Variants in TBC1D5 observed in about 807,000 individuals in gnomAD.
TBC1D5 encodes TBC1 domain family member 5, also known as TBC1 domain family, member 5.
A neutral mutation model predicts 100.3 loss-of-function variants in TBC1D5; 75 were observed. The observed-to-expected ratio is 0.75, with a 90% CI of 0.62 to 0.91. TBC1D5 has a LOEUF of 0.91. TBC1D5 is among the 40% of genes least tolerant of loss of function. The pLI, the probability that TBC1D5 is intolerant of heterozygous loss-of-function variation, is 0.00. For missense variants in TBC1D5, 910 were observed against 942.4 expected (o/e 0.97, Z 0.45); for synonymous variants, 323 against 325.6 (o/e 0.99, Z 0.09).
chr3:17,172,295 C>G (rs542619589), intron 19 of TBC1D5, among the ~76,000 whole-genome samples: 13 of 152,274 alleles, frequency 8.5e-5, no homozygotes, highest in Non-Finnish European at 1.5e-4. Context: ...CCTAACAGTT[C>G]CCCTATATAA....
intron 1 of TBC1D5, chr3:17,706,058 C>T: frequency 6.3e-7 from 1 of 1,590,916 alleles, no homozygotes; most frequent in African/African-American, 1.3e-5. Flanking sequence ...TGGGAGCCTA[C>T]TGATTTCCCC....
At chr3:17,519,383 G>C (rs139310124) in intron 2 of TBC1D5, among the ~76,000 whole-genome samples, 3 of 152,126 alleles carry the variant, frequency 2.0e-5, no homozygotes, top group Middle Eastern at 3.4e-3. Context: ...CACACATGTG[G>C]CTCCTCTGCA....
At chr3:17,551,651 G>A (rs929494532) in intron 2 of TBC1D5, among the ~76,000 whole-genome samples, 1 of 152,116 alleles carries the variant, frequency 6.6e-6, no homozygotes, top group African/African-American at 2.4e-5. Context: ...CTGTAATGAG[G>A]GAAGCAAACT....
At chr3:17,362,697 CTT>C (rs1407235240) in intron 13 of TBC1D5, among the ~76,000 whole-genome samples, 4 of 152,166 alleles carry the variant, frequency 2.6e-5, no homozygotes, top group Non-Finnish European at 5.9e-5. Context: ...GTCTTGAACT[CTT>C]GGCCTCAAGT....
intron 2 of TBC1D5, among the ~76,000 whole-genome samples, chr3:17,552,494 G>A (rs1387425209): frequency 1.3e-5 from 2 of 152,066 alleles, no homozygotes; most frequent in African/African-American, 4.8e-5. Context: ...GGCAAATCAT[G>A]AAAGAAGACA....
chr3:17,267,225 C>G (rs927528017), intron 15 of TBC1D5, among the ~76,000 whole-genome samples: 2 of 152,014 alleles, frequency 1.3e-5, no homozygotes, highest in East Asian at 3.9e-4. Flanking sequence ...TAACATACCC[C>G]CTACCCTCAG....
chr3:17,351,975 C>T (rs1487094952), intron 13 of TBC1D5, among the ~76,000 whole-genome samples: 5 of 150,048 alleles, frequency 3.3e-5, no homozygotes, highest in South Asian at 2.1e-4. Context: ...TTTCATCTAA[C>T]GTTTCATCTA....
chr3:17,592,384 C>A (rs1181544292), intron 2 of TBC1D5, among the ~76,000 whole-genome samples: 3 of 152,176 alleles, frequency 2.0e-5, no homozygotes, highest in Non-Finnish European at 4.4e-5. Flanking sequence ...GTAAATGTGA[C>A]TAAAATTCAG....
intron 1 of TBC1D5, among the ~76,000 whole-genome samples, chr3:17,668,270 G>A (rs1165754796): frequency 1.3e-5 from 2 of 150,920 alleles, no homozygotes; most frequent in Non-Finnish European, 3.0e-5. Context: ...TAGAGGAATG[G>A]GGGGGTGGCT....
At chr3:17,361,707 A>G (rs892336329) in intron 13 of TBC1D5, among the ~76,000 whole-genome samples, 14 of 152,102 alleles carry the variant, frequency 9.2e-5, no homozygotes, top group Admixed American at 2.0e-4. Flanking sequence ...AAATAAAAAT[A>G]TAGCAACCCA....
chr3:17,586,995 G>A (rs1306387086), intron 2 of TBC1D5, among the ~76,000 whole-genome samples: 1 of 151,680 alleles, frequency 6.6e-6, no homozygotes, highest in African/African-American at 2.4e-5. Flanking sequence ...AAACAAATGT[G>A]AAAAAAATTC....
At chr3:17,696,051 T>A (rs185474467) in intron 1 of TBC1D5, among the ~76,000 whole-genome samples, 2 of 152,186 alleles carry the variant, frequency 1.3e-5, no homozygotes, top group East Asian at 3.9e-4. Context: ...TTGAAACCAA[T>A]GAGAACAAAG....
At chr3:17,630,855 G>C (rs1266831205) in intron 1 of TBC1D5, among the ~76,000 whole-genome samples, 5 of 138,690 alleles carry the variant, frequency 3.6e-5, no homozygotes, top group African/African-American at 1.4e-4. Flanking sequence ...CTAACACGGT[G>C]AAACCCCGTC....
intron 3 of TBC1D5, among the ~76,000 whole-genome samples, chr3:17,428,945 T>G (rs951706451): frequency 6.6e-6 from 1 of 151,916 alleles, no homozygotes; most frequent in African/African-American, 2.4e-5. Context: ...AGTTTGATGC[T>G]CTCTAGGAAT....
In TBC1D5 at chr3:17,239,688, T is replaced by A. The variant is rs145325743; in HGVS notation, c.1332-1269A>T. The stretch of plus-strand genomic sequence containing the variant: ...ACTCTCTTAACCACTACTTTCTCTC[T>A]CATATTTTGTCTCTTGGCCAGCACC... On this transcript the variant is annotated intron_variant, in intron 16 of 21. Coordinates refer to ENST00000253692, the Ensembl canonical transcript of TBC1D5. Among the ~76,000 whole-genome samples, 6 of 152,308 alleles carry A rather than the reference T, an allele frequency of 3.9e-5. No homozygotes were observed. In the East Asian group the frequency reaches 1.2e-3, roughly 29 times the overall value.
chr3:17,578,288 T>G (rs769880528), intron 2 of TBC1D5, among the ~76,000 whole-genome samples: 3 of 152,032 alleles, frequency 2.0e-5, no homozygotes, highest in Non-Finnish European at 4.4e-5. Context: ...TCCATTCTTT[T>G]CTGCACACTC....
chr3:17,509,813 A>G (rs1306441759), intron 2 of TBC1D5, among the ~76,000 whole-genome samples: 1 of 152,012 alleles, frequency 6.6e-6, no homozygotes. Flanking sequence ...TTATACTTAC[A>G]AGTTTTTATA....
intron 8 of TBC1D5, among the ~76,000 whole-genome samples, chr3:17,401,309 T>C (rs1409913097): frequency 1.7e-5 from 2 of 120,286 alleles, no homozygotes; most frequent in Non-Finnish European, 3.4e-5. Flanking sequence ...ATAATACACA[T>C]ATATATGTAT....
At chr3:17,299,958 G>C (rs372156563) in intron 14 of TBC1D5, among the ~76,000 whole-genome samples, 19 of 150,252 alleles carry the variant, frequency 1.3e-4, no homozygotes, top group East Asian at 4.0e-4. Flanking sequence ...TATGCAAACT[G>C]TATTTTCCAC....
Sources: allele counts gnomAD v4.1 joint callset (sites outside exome capture counted in the v4.1 genomes callset), GRCh38; gene constraint gnomAD v4.1.1; transcripts MANE v1.5; gene names NCBI Gene and HGNC (gene_info 2026-07-23, HGNC 2026-07-21).